CADPS2: variants seen among roughly 807,000 people sequenced by gnomAD.
The protein encoded by CADPS2 is calcium dependent secretion activator 2.
A neutral mutation model predicts 172.5 loss-of-function variants in CADPS2; 93 were observed. The observed-to-expected ratio is 0.54, with a 90% confidence interval of 0.46 to 0.64. The LOEUF is 0.64. Among genes scored for constraint, CADPS2 ranks in the 30% least tolerant of loss-of-function variants. The probability of loss-of-function intolerance (pLI) is 0.00; values close to 1 mark genes in which losing one functional copy is unlikely to be tolerated. For synonymous variants in CADPS2, 546 were observed against 555.2 expected (o/e 0.98, Z 0.23); for missense variants, 1,420 against 1,565.9 (o/e 0.91, Z 1.57).
rs2090673709 is a variant in CADPS2 at position 122,723,212 on chromosome 7, G to A, written c.453+13743C>T. Among the ~76,000 whole-genome samples the A allele has an allele frequency of 3.3e-5, 5 of 152,130 alleles. No individual in the cohort carries two copies. The South Asian group carries it at 1.0e-3, about 32-fold the overall frequency. On this transcript the variant is annotated intron_variant, in intron 2 of 29. Transcript: ENST00000449022. ...AATTAAACTAAAGAGCTTCTGCACA[G>A]TGAAAGAAACTACCATCAGAGTGAA...
intron 14 of CADPS2, among the ~76,000 whole-genome samples, chr7:122,456,164 T>C (rs1418126033): frequency 6.6e-6 from 1 of 152,000 alleles, no homozygotes; most frequent in Non-Finnish European, 1.5e-5. Flanking sequence ...TTTTAATTAA[T>C]AATAAAATAA....
chr7:122,569,115 T>C (rs1171236605), intron 7 of CADPS2, among the ~76,000 whole-genome samples: 3 of 152,140 alleles, frequency 2.0e-5, no homozygotes, highest in Non-Finnish European at 4.4e-5. Context: ...ACGACATGAT[T>C]GTATATCTAG....
intron 8 of CADPS2, among the ~76,000 whole-genome samples, chr7:122,527,055 C>A (rs1462356753): frequency 1.3e-5 from 2 of 152,034 alleles, no homozygotes; most frequent in Non-Finnish European, 2.9e-5. Flanking sequence ...CAACATATAT[C>A]AAAAATGTTA....
intron 17 of CADPS2, among the ~76,000 whole-genome samples, chr7:122,436,140 A>T (rs914572047): frequency 1.5e-4 from 23 of 152,146 alleles, no homozygotes; most frequent in African/African-American, 5.6e-4. Context: ...TAAAATATTA[A>T]TAATAATAAA....
At chr7:122,874,004 T>C (rs1419069016) in intron 1 of CADPS2, among the ~76,000 whole-genome samples, 3 of 151,728 alleles carry the variant, frequency 2.0e-5, no homozygotes, top group Admixed American at 6.6e-5. Flanking sequence ...CACTTTTTGA[T>C]GGGTTTTTTT....
At chr7:122,843,421 A>G (rs142842571) in intron 1 of CADPS2, among the ~76,000 whole-genome samples, 11 of 152,306 alleles carry the variant, frequency 7.2e-5, no homozygotes, top group Non-Finnish European at 1.5e-4. Context: ...ACTTTGACCT[A>G]TGGGGTGTCA....
chr7:122,396,354 C>T (rs1340857765), intron 20 of CADPS2, among the ~76,000 whole-genome samples: 3 of 152,092 alleles, frequency 2.0e-5, no homozygotes, highest in African/African-American at 7.2e-5. Flanking sequence ...TGCAATAGTC[C>T]AGCCCTCTCA....
intron 1 of CADPS2, among the ~76,000 whole-genome samples, chr7:122,786,084 A>G (rs1222037800): frequency 6.6e-6 from 1 of 151,638 alleles, no homozygotes; most frequent in African/African-American, 2.4e-5. Context: ...CCACATTCAG[A>G]TCTTCTAACT....
intron 8 of CADPS2, among the ~76,000 whole-genome samples, chr7:122,513,628 G>A (rs892974766): frequency 6.6e-6 from 1 of 152,212 alleles, no homozygotes; most frequent in Non-Finnish European, 1.5e-5. Flanking sequence ...ATTCTTAGGA[G>A]AGACAAAGGC....
intron 1 of CADPS2, among the ~76,000 whole-genome samples, chr7:122,834,564 G>A (rs1022718360): frequency 2.6e-5 from 4 of 152,126 alleles, no homozygotes; most frequent in Non-Finnish European, 5.9e-5. Context: ...GACAGCACCT[G>A]GAAAACTGGG....
At position 122,387,190 on chromosome 7, in the gene CADPS2, G is replaced by T. The variant is rs768653068; in HGVS notation, c.3165-17C>A. ...GTTCTTGTTCTAGTTTTTAAAACAT[G>T]AATTCAGAGTAAGAAATTCTGCTAT... On this transcript the variant is annotated splice_polypyrimidine_tract_variant and intron_variant, in intron 23 of 29. Coordinates refer to ENST00000449022, the MANE Select transcript of CADPS2 (RefSeq NM_017954.11). The T allele has an allele frequency of 1.9e-6, 3 of 1,565,346 alleles. No homozygotes were observed. The highest frequency in any genetic ancestry group is 2.3e-5 in the South Asian group (2 of 85,458).
chr7:122,703,150 A>C (rs2086438393), intron 2 of CADPS2, among the ~76,000 whole-genome samples: 1 of 152,186 alleles, frequency 6.6e-6, no homozygotes, highest in Non-Finnish European at 1.5e-5. Flanking sequence ...TAAACTGGTA[A>C]GAATTTTTTA....
intron 27 of CADPS2, among the ~76,000 whole-genome samples, chr7:122,350,044 G>T (rs536131684): frequency 6.6e-6 from 1 of 152,260 alleles, no homozygotes; most frequent in African/African-American, 2.4e-5. Context: ...CAGTGTAATT[G>T]ACTTAATTTG....
At chr7:122,524,002 C>T (rs117462388) in intron 8 of CADPS2, among the ~76,000 whole-genome samples, 5 of 152,198 alleles carry the variant, frequency 3.3e-5, no homozygotes, top group Admixed American at 1.3e-4. Flanking sequence ...AAGAAAAGGA[C>T]ATTTTGCATC....
intron 2 of CADPS2, among the ~76,000 whole-genome samples, chr7:122,664,866 C>G (rs2081018414): frequency 1.3e-5 from 2 of 152,088 alleles, no homozygotes; most frequent in Admixed American, 6.6e-5. Context: ...CTCACTGCAG[C>G]CTTGACATCC....
rs555688010 is a variant in CADPS2, at chr7:122,694,517, G to C, written c.454-30948C>G. ...CATCACGGGACACAGTAACTTGGAGGTCTGATAAAGATGCTGCCATAATTG... is the reference window on the plus strand; with the variant it reads ...CATCACGGGACACAGTAACTTGGAGCTCTGATAAAGATGCTGCCATAATTG... On this transcript the variant is annotated intron_variant, in intron 2 of 29. Transcript: ENST00000449022. 4.6e-5 allele frequency among the ~76,000 whole-genome samples: 7 copies of C among 152,204 alleles called. No homozygotes were observed. The East Asian group carries it at 1.4e-3, about 29-fold the overall frequency.
intron 7 of CADPS2, among the ~76,000 whole-genome samples, chr7:122,572,279 A>G (rs541160850): frequency 3.9e-4 from 60 of 152,254 alleles, no homozygotes; most frequent in South Asian, 1.7e-3. Context: ...TTGTGGTACA[A>G]CTTTTCTTAA....
intron 5 of CADPS2, among the ~76,000 whole-genome samples, chr7:122,620,084 G>A (rs1401531029): frequency 1.3e-5 from 2 of 152,104 alleles, no homozygotes; most frequent in Non-Finnish European, 2.9e-5. Context: ...TTCTTTTTCT[G>A]CCATAAACTA....
intron 28 of CADPS2, among the ~76,000 whole-genome samples, chr7:122,343,318 GC>G (rs2037070893): frequency 6.6e-6 from 1 of 152,148 alleles, no homozygotes; most frequent in Admixed American, 6.6e-5. Flanking sequence ...CAGAATGGTT[GC>G]TTATTAAGGG....
Sources: allele counts gnomAD v4.1 joint callset (sites outside exome capture counted in the v4.1 genomes callset), GRCh38; gene constraint gnomAD v4.1.1; transcripts MANE v1.5; gene names NCBI Gene and HGNC (gene_info 2026-07-23, HGNC 2026-07-21).